Variants in SEMA5B observed in about 807,000 individuals in gnomAD.
The protein encoded by SEMA5B is semaphorin-5B.
SEMA5B carries 66 observed loss-of-function variants against 135.0 expected under a neutral mutation model. The observed-to-expected ratio is 0.49, with a 90% CI of 0.40 to 0.60. The LOEUF (loss-of-function observed/expected upper bound fraction) is 0.60. SEMA5B is among the 20% of genes least tolerant of loss of function. The pLI, the probability that SEMA5B is intolerant of heterozygous loss-of-function variation, is 0.00. For synonymous variants in SEMA5B, 690 were observed against 639.5 expected (o/e 1.08, Z -1.19); for missense variants, 1,501 against 1,566.3 (o/e 0.96, Z 0.70).
chr3:123,011,756 G>A (rs1231890667), intron 1 of SEMA5B, among the ~76,000 whole-genome samples: 1 of 152,188 alleles, frequency 6.6e-6, no homozygotes, highest in African/African-American at 2.4e-5. Context: ...CCAGTACAGG[G>A]CTAGAGAGAG....
chr3:122,939,598 G>A (rs1939464724), intron 4 of SEMA5B, 128 bp from the exon 5 acceptor site: 1 of 694,756 alleles, frequency 1.4e-6, no homozygotes, highest in African/African-American at 1.8e-5. Context: ...CAACCCCTAA[G>A]GAGAGCTTTA....
In SEMA5B at chr3:122,922,220, G is replaced by T. The variant is rs369186424; in HGVS notation, c.1480+20C>A. 1.9e-5 allele frequency: 31 copies of T among 1,601,990 alleles called. 2 individuals are homozygous for T. The highest frequency in any genetic ancestry group is 3.4e-5 in the Admixed American group (2 of 59,464). On this transcript the variant is annotated intron_variant, in intron 11 of 22. Coordinates refer to ENST00000357599, the MANE Select transcript of SEMA5B (RefSeq NM_001031702.4). ...AACCCACCCCCGACCTGCAGTCCAG[G>T]TTGGACCGGGCCGGCTCACCGGTGC... is the stretch of plus-strand genomic sequence containing the variant.
chr3:122,914,140 A>G, intron 14 of SEMA5B, 139 bp from the exon 15 acceptor site: 1 of 888,510 alleles, frequency 1.1e-6, no homozygotes. Context: ...TCTCCTAAAC[A>G]GGTCATCTCA....
chr3:122,928,732 C>A (rs779952449), intron 6 of SEMA5B, 117 bp from the exon 7 acceptor site: 34 of 818,574 alleles, frequency 4.2e-5, no homozygotes, highest in Non-Finnish European at 6.3e-5. Flanking sequence ...TCCCCTTGAC[C>A]CCAGATCCAC....
intron 1 of SEMA5B, among the ~76,000 whole-genome samples, chr3:122,965,800 A>T (rs1425675560): frequency 6.6e-6 from 1 of 152,244 alleles, no homozygotes; most frequent in Non-Finnish European, 1.5e-5. Flanking sequence ...AAGAGCAGAC[A>T]TGCTGCTCAG....
intron 3 of SEMA5B, among the ~76,000 whole-genome samples, chr3:122,944,087 C>G (rs548125736): frequency 3.0e-4 from 45 of 152,330 alleles, no homozygotes; most frequent in African/African-American, 1.0e-3. Context: ...CTCCCAACTA[C>G]CCCCAGGAAA....
chr3:122,916,071 A>G (rs999005508), intron 12 of SEMA5B, among the ~76,000 whole-genome samples, 181 bp from the exon 13 acceptor site: 4 of 152,230 alleles, frequency 2.6e-5, no homozygotes, highest in Non-Finnish European at 5.9e-5. Context: ...CTTTATAAGC[A>G]TGAATTAATT....
At chr3:122,925,150 A>G (rs1205631574) in intron 9 of SEMA5B, among the ~76,000 whole-genome samples, 1 of 151,670 alleles carries the variant, frequency 6.6e-6, no homozygotes, top group Non-Finnish European at 1.5e-5. Flanking sequence ...AGTGCCTGCT[A>G]TCTGGGGCCC....
chr3:123,018,677 C>A (rs993881289), intron 1 of SEMA5B, among the ~76,000 whole-genome samples: 1 of 152,202 alleles, frequency 6.6e-6, no homozygotes, highest in Non-Finnish European at 1.5e-5. Context: ...ATCTTTTTCT[C>A]AGGACCTCAA....
chr3:123,014,774 T>G (rs748110796), intron 1 of SEMA5B, among the ~76,000 whole-genome samples: 8 of 152,162 alleles, frequency 5.3e-5, no homozygotes, highest in Non-Finnish European at 1.2e-4. Flanking sequence ...AAATGTAGTC[T>G]CGAAACAGGA....
chr3:122,913,851 C>T lies in SEMA5B; in HGVS notation c.2132+7G>A. On this transcript the variant is annotated splice_region_variant and intron_variant, in intron 15 of 22. Coordinates refer to ENST00000357599, the MANE Select transcript of SEMA5B (RefSeq NM_001031702.4). Reference sequence around the variant, plus strand: ...TGGGACCTCAGAGCAAGCCTGTTCTCCCTCACCGTTCCTCCCGGCTCTTGC... The same window carrying T: ...TGGGACCTCAGAGCAAGCCTGTTCTTCCTCACCGTTCCTCCCGGCTCTTGC... 1.3e-6 allele frequency: 2 copies of T among 1,596,598 alleles called. No individual in the cohort carries two copies. The highest frequency in any genetic ancestry group is 1.1e-5 in the South Asian group (1 of 88,038).
At chr3:123,004,235 T>A (rs1942250385) in intron 1 of SEMA5B, among the ~76,000 whole-genome samples, 1 of 152,324 alleles carries the variant, frequency 6.6e-6, no homozygotes, top group South Asian at 2.1e-4. Flanking sequence ...TCCAAGCCCA[T>A]ATAAGAAATG....
rs183697679 is a variant in SEMA5B at position 122,943,027 on chromosome 3, A to T, written c.428+409T>A. 3.2e-3 allele frequency among the ~76,000 whole-genome samples: 492 copies of T among 152,226 alleles called. 2 individuals carry two copies. The highest frequency in any genetic ancestry group is 0.011 in the African/African-American group (475 of 41,556). ...GTCCTTCGGGAAAGGTTCTACCCCT[A>T]CCCAGCCGTCCCAGGTGCAGGCCGC... On this transcript the variant is annotated intron_variant, in intron 4 of 22. Coordinates refer to ENST00000357599, the MANE Select transcript of SEMA5B (RefSeq NM_001031702.4).
chr3:122,983,003 A>G (rs987340685), intron 1 of SEMA5B, among the ~76,000 whole-genome samples: 13 of 151,686 alleles, frequency 8.6e-5, no homozygotes, highest in Admixed American at 8.5e-4. Flanking sequence ...CGTGCCTCTG[A>G]TCACAGAAGG....
At chr3:122,983,706 A>C (rs1411620164) in intron 1 of SEMA5B, among the ~76,000 whole-genome samples, 1 of 90,418 alleles carries the variant, frequency 1.1e-5, no homozygotes, top group Non-Finnish European at 1.9e-5. Context: ...CGACAGAGCG[A>C]GACTCGTCTC....
intron 1 of SEMA5B, among the ~76,000 whole-genome samples, chr3:122,971,647 C>T (rs1201271981): frequency 2.0e-5 from 3 of 152,256 alleles, no homozygotes; most frequent in Non-Finnish European, 2.9e-5. Context: ...AGTCTCTCCT[C>T]CTGAATGCCC....
rs534600378 is a variant in SEMA5B, at chr3:122,950,732, GC to G, written c.125-2024del. Among the ~76,000 whole-genome samples the G allele has an allele frequency of 3.1e-3, 467 of 152,270 alleles. 3 individuals carry two copies. The highest frequency in any genetic ancestry group is 9.0e-3 in the African/African-American group (375 of 41,550). ...CTGCCTCTTCACAGATAGTTGAGAGGCAAAAACAGACCACAGAGGCACCTGC... is the reference window on the plus strand; with the variant it reads ...CTGCCTCTTCACAGATAGTTGAGAGGAAAAACAGACCACAGAGGCACCTGC... On this transcript the variant is annotated intron_variant, in intron 2 of 22. Transcript: ENST00000357599.
chr3:122,973,563 G>T (rs1941204824), intron 1 of SEMA5B, among the ~76,000 whole-genome samples: 1 of 152,234 alleles, frequency 6.6e-6, no homozygotes, highest in South Asian at 2.1e-4. Context: ...ATCTGTGAAG[G>T]TCGTGAAATG....
chr3:122,913,203 G>A lies in SEMA5B; in HGVS notation c.2502C>T (p.Thr834=), dbSNP rs1379523173. The A allele has an allele frequency of 6.4e-7, 1 of 1,562,086 alleles. No homozygotes were observed. The highest frequency in any genetic ancestry group is 8.6e-7 in the Non-Finnish European group (1 of 1,163,896). Reference sequence around the variant, plus strand: ...GGGGCGCCGGGCGCGGGGTACCGTCGGTGTCGCAGGAGCCGGAGCCGTCCG... The same window carrying A: ...GGGGCGCCGGGCGCGGGGTACCGTCAGTGTCGCAGGAGCCGGAGCCGTCCG... ...CPADGSGSCD[T]DALVEVLLRS... Residue 834 remains threonine, a synonymous_variant, in exon 17 of 23, where the codon ACC becomes ACT. Transcript: ENST00000357599.
Sources: allele counts gnomAD v4.1 joint callset (sites outside exome capture counted in the v4.1 genomes callset), GRCh38; gene constraint gnomAD v4.1.1; transcripts MANE v1.5; gene names NCBI Gene and HGNC (gene_info 2026-07-23, HGNC 2026-07-21).